The following PPM1H variants were observed in gnomAD, a reference collection of about 807,000 sequenced individuals.
The protein encoded by PPM1H is protein phosphatase, Mg2+/Mn2+ dependent 1H, also known as protein phosphatase 1H.
PPM1H carries 27 observed loss-of-function variants against 54.9 expected under a neutral mutation model. The ratio of observed to expected loss-of-function variants is 0.49; its 90% CI spans 0.36 to 0.68. The LOEUF (loss-of-function observed/expected upper bound fraction) is 0.68. Among genes scored for constraint, PPM1H ranks in the 30% least tolerant of loss-of-function variants. The pLI is 0.00. For synonymous variants in PPM1H, 305 were observed against 270.8 expected (o/e 1.13, Z -1.24); for missense variants, 596 against 667.8 (o/e 0.89, Z 1.19).
chr12:62,790,401 C>A (rs533506362), intron 3 of PPM1H, among the ~76,000 whole-genome samples: 1 of 152,166 alleles, frequency 6.6e-6, no homozygotes, highest in Admixed American at 6.6e-5. Flanking sequence ...CATAGTGATA[C>A]CCCCATCTCT....
chr12:62,694,429 T>C (rs2076102368), intron 6 of PPM1H, among the ~76,000 whole-genome samples: 1 of 152,218 alleles, frequency 6.6e-6, no homozygotes, highest in Non-Finnish European at 1.5e-5. Flanking sequence ...AGCCTTGTAT[T>C]GGGATGGCTA....
intron 2 of PPM1H, among the ~76,000 whole-genome samples, chr12:62,819,534 A>G (rs550059326): frequency 2.3e-4 from 35 of 152,370 alleles, no homozygotes; most frequent in East Asian, 7.7e-4. Flanking sequence ...ACCTAGATCC[A>G]TTCAAGAGTG....
chr12:62,855,405 G>T (rs995216734), intron 1 of PPM1H, among the ~76,000 whole-genome samples: 1 of 152,120 alleles, frequency 6.6e-6, no homozygotes, highest in African/African-American at 2.4e-5. Flanking sequence ...TCAGACACAC[G>T]CAGAACCCAG....
chr12:62,754,487 A>G (rs1448024040), intron 4 of PPM1H, among the ~76,000 whole-genome samples: 1 of 152,212 alleles, frequency 6.6e-6, no homozygotes, highest in East Asian at 1.9e-4. Context: ...GAATGGTTTG[A>G]GCCCAGGAGG....
chr12:62,795,683 G>A (rs1176821081), intron 3 of PPM1H, among the ~76,000 whole-genome samples: 1 of 151,904 alleles, frequency 6.6e-6, no homozygotes, highest in African/African-American at 2.4e-5. Context: ...CCACCTGCCT[G>A]GGCCTCCCAA....
At chr12:62,826,996 T>C (rs919555241) in intron 2 of PPM1H, among the ~76,000 whole-genome samples, 1 of 152,200 alleles carries the variant, frequency 6.6e-6, no homozygotes, top group Non-Finnish European at 1.5e-5. Context: ...AGAACCCCAC[T>C]GTCATCATGT....
At chr12:62,921,848 A>G (rs555491499) in intron 1 of PPM1H, among the ~76,000 whole-genome samples, 204 of 152,306 alleles carry the variant, frequency 1.3e-3, no homozygotes, top group African/African-American at 4.7e-3. Context: ...AAAATCTCCC[A>G]AATTAAATTT....
At position 62,929,583 on chromosome 12, in the gene PPM1H, C is replaced by T. The variant is rs115484111; in HGVS notation, c.245+4909G>A. On this transcript the variant is annotated intron_variant, in intron 1 of 9. Coordinates refer to ENST00000228705, the MANE Select transcript of PPM1H (RefSeq NM_020700.2). The stretch of plus-strand genomic sequence containing the variant: ...GTCATAGCAGAGATGCGGATGTCTA[C>T]CTAAACTGGGACTGAAACATATAGT... 2.7e-3 allele frequency among the ~76,000 whole-genome samples: 415 copies of T among 152,182 alleles called. 5 individuals are homozygous for T. The highest frequency in any genetic ancestry group is 9.4e-3 in the African/African-American group (391 of 41,518).
At chr12:62,755,635 G>A (rs564582820) in intron 4 of PPM1H, 24 of 653,372 alleles carry the variant, frequency 3.7e-5, no homozygotes, top group African/African-American at 2.3e-4. Context: ...CATGAAGCAT[G>A]AGAAGTAATG....
intron 1 of PPM1H, among the ~76,000 whole-genome samples, chr12:62,862,507 A>G (rs1869638718): frequency 6.6e-6 from 1 of 152,152 alleles, no homozygotes; most frequent in Non-Finnish European, 1.5e-5. Flanking sequence ...TCTTTCAAAG[A>G]CTTTGTTTTG....
At chr12:62,772,508 C>A (rs1019651095) in intron 4 of PPM1H, among the ~76,000 whole-genome samples, 7 of 151,652 alleles carry the variant, frequency 4.6e-5, no homozygotes, top group African/African-American at 1.7e-4. Context: ...TTTTCATAAC[C>A]CATATAAAGT....
intron 4 of PPM1H, among the ~76,000 whole-genome samples, chr12:62,764,500 A>C (rs973594121): frequency 6.6e-6 from 1 of 152,222 alleles, no homozygotes; most frequent in African/African-American, 2.4e-5. Context: ...AAAGGTCTCA[A>C]ATTAAATCCA....
intron 2 of PPM1H, among the ~76,000 whole-genome samples, chr12:62,823,153 A>G (rs2076914910): frequency 6.6e-6 from 1 of 152,218 alleles, no homozygotes; most frequent in Admixed American, 6.5e-5. Flanking sequence ...AGAAAAATGG[A>G]TAAATTCCGG....
rs75004258 is a variant in PPM1H, at chr12:62,785,558, T to C, written c.869+2668A>G. On this transcript the variant is annotated intron_variant, in intron 4 of 9. Coordinates refer to ENST00000228705, the MANE Select transcript of PPM1H (RefSeq NM_020700.2). ...TTTCCAAAACAAATTCTAAGAAATA[T>C]AAAATAACCAAAAGATACTTTATAG... Among the ~76,000 whole-genome samples, 16 of 152,344 alleles carry C rather than the reference T, an allele frequency of 1.1e-4. No homozygotes were observed. The East Asian group carries it at 3.1e-3, about 29-fold the overall frequency.
chr12:62,655,846 T>C (rs1033903177), intron 9 of PPM1H, among the ~76,000 whole-genome samples: 1 of 152,192 alleles, frequency 6.6e-6, no homozygotes, highest in South Asian at 2.1e-4. Context: ...CCAGGAGACA[T>C]GTTTTGAATT....
intron 6 of PPM1H, 134 bp downstream of exon 6, chr12:62,720,037 C>A: frequency 1.4e-6 from 1 of 721,636 alleles, no homozygotes; most frequent in Non-Finnish European, 2.3e-6. Flanking sequence ...CAGGTGTACC[C>A]CCTTGTCTTT....
chr12:62,780,545 A>G (rs1281467337), intron 4 of PPM1H, among the ~76,000 whole-genome samples: 1 of 152,180 alleles, frequency 6.6e-6, no homozygotes. Flanking sequence ...GGCTCAAATG[A>G]TCTTCCTGCC....
intron 3 of PPM1H, among the ~76,000 whole-genome samples, chr12:62,791,151 T>C (rs1263912729): frequency 6.6e-6 from 1 of 152,122 alleles, no homozygotes; most frequent in Non-Finnish European, 1.5e-5. Context: ...AATTCACAAA[T>C]GAAAAGCTTA....
chr12:62,767,054 C>G (rs1460615092), intron 4 of PPM1H, among the ~76,000 whole-genome samples: 1 of 152,116 alleles, frequency 6.6e-6, no homozygotes, highest in Non-Finnish European at 1.5e-5. Flanking sequence ...AAGTTCAAGT[C>G]GAACCCTGCC....
Sources: gnomAD v4.1 joint callset for allele counts (sites outside exome capture counted in the v4.1 genomes callset) on GRCh38, gnomAD v4.1.1 for gene constraint, MANE v1.5 for transcripts, NCBI Gene and HGNC (gene_info 2026-07-23, HGNC 2026-07-21) for gene names.